The following SPATA16 variants were observed in gnomAD, a reference collection of about 807,000 sequenced individuals.
The protein encoded by SPATA16 is spermatogenesis-associated protein 16.
A neutral mutation model predicts 63.3 loss-of-function variants in SPATA16; 36 were observed. That is an observed-to-expected ratio of 0.57 (90% CI 0.44 to 0.75). The LOEUF is 0.75. SPATA16 is among the 30% of genes least tolerant of loss of function. SPATA16 has a pLI of 0.00. For missense variants in SPATA16, 646 were observed against 679.3 expected, an observed-to-expected ratio of 0.95 and a Z score of 0.54; for synonymous variants, 203 against 216.7, an observed-to-expected ratio of 0.94 and a Z score of 0.56.
intron 9 of SPATA16, among the ~76,000 whole-genome samples, chr3:172,914,162 C>T (rs978508322): frequency 1.6e-4 from 24 of 152,248 alleles, no homozygotes; most frequent in African/African-American, 5.8e-4. Context: ...GACAATACTA[C>T]AATTATGCTG....
chr3:172,970,663 C>G (rs1368224302), intron 5 of SPATA16, among the ~76,000 whole-genome samples: 3 of 152,156 alleles, frequency 2.0e-5, no homozygotes, highest in Admixed American at 1.3e-4. Context: ...AACTCTCTGC[C>G]TGACAGGGCC....
chr3:173,101,573 A>G (rs1474181629), intron 2 of SPATA16, among the ~76,000 whole-genome samples: 1 of 152,094 alleles, frequency 6.6e-6, no homozygotes, highest in Non-Finnish European at 1.5e-5. Context: ...CTCATTTACT[A>G]AGACTTGACA....
intron 2 of SPATA16, among the ~76,000 whole-genome samples, chr3:173,051,277 A>G (rs963257273): frequency 2.0e-5 from 3 of 152,078 alleles, no homozygotes. Context: ...ATCTCTCCTC[A>G]CAGCAACCTC....
rs577438000 is a variant in SPATA16, at chr3:173,088,002, C to A, written c.612+29118G>T. On this transcript the variant is annotated intron_variant, in intron 2 of 10. Coordinates refer to ENST00000351008, the MANE Select transcript of SPATA16 (RefSeq NM_031955.6). ...TGGAGAATCTGATGATTAGCATTTT[C>A]TTTCCGTCTTTCTTTCTTTCTTTCT... is the stretch of plus-strand genomic sequence containing the variant. Among the ~76,000 whole-genome samples, 7 of 139,594 alleles carry A rather than the reference C, an allele frequency of 5.0e-5. No homozygotes were observed. The South Asian group carries it at 1.6e-3, about 31-fold the overall frequency. 91.6% of individuals were successfully genotyped at this position (139,594 alleles called of 152,430 possible).
intron 4 of SPATA16, among the ~76,000 whole-genome samples, chr3:173,010,550 C>G (rs1735047485): frequency 6.6e-6 from 1 of 152,046 alleles, no homozygotes; most frequent in Admixed American, 6.5e-5. Context: ...GTCCTTACCC[C>G]TGCTGCCCCC....
chr3:172,991,846 T>C (rs1308547102), intron 4 of SPATA16, among the ~76,000 whole-genome samples: 1 of 152,196 alleles, frequency 6.6e-6, no homozygotes, highest in Non-Finnish European at 1.5e-5. Context: ...GGCAAAGTTA[T>C]GGAGTTGGGA....
At chr3:172,916,950 C>T (rs753977471) in intron 8 of SPATA16, among the ~76,000 whole-genome samples, 4 of 152,234 alleles carry the variant, frequency 2.6e-5, no homozygotes, top group Non-Finnish European at 5.9e-5. Flanking sequence ...ATTCTGTTTA[C>T]CCCAATAGCT....
At chr3:173,134,367 T>C (rs956702374) in intron 1 of SPATA16, among the ~76,000 whole-genome samples, 1 of 151,964 alleles carries the variant, frequency 6.6e-6, no homozygotes, top group African/African-American at 2.4e-5. Context: ...TAAATTCTTG[T>C]AATCCCAGCT....
chr3:172,912,097 G>T (rs999318700), intron 10 of SPATA16, among the ~76,000 whole-genome samples: 2 of 152,116 alleles, frequency 1.3e-5, no homozygotes, highest in African/African-American at 4.8e-5. Context: ...TTTTGAATGT[G>T]CCATGCTTTT....
intron 4 of SPATA16, among the ~76,000 whole-genome samples, chr3:172,978,950 GA>G (rs1389534179): frequency 3.3e-5 from 5 of 152,284 alleles, no homozygotes; most frequent in African/African-American, 1.2e-4. Flanking sequence ...TCAATAGTCT[GA>G]TGCTGGCCGG....
chr3:173,088,738 C>T (rs543689660), intron 2 of SPATA16, among the ~76,000 whole-genome samples: 43 of 152,286 alleles, frequency 2.8e-4, no homozygotes, highest in African/African-American at 9.6e-4. Flanking sequence ...GATTATATTT[C>T]ATGGATGTCC....
chr3:173,108,869 G>A (rs73030972), intron 2 of SPATA16, among the ~76,000 whole-genome samples: 5,775 of 152,224 alleles, frequency 0.038, 350 homozygotes, highest in African/African-American at 0.13. Flanking sequence ...AGGCTCTACC[G>A]TATAGCCTAG....
At chr3:173,107,453 CTA>C (rs1737646935) in intron 2 of SPATA16, among the ~76,000 whole-genome samples, 3 of 133,006 alleles carry the variant, frequency 2.3e-5, no homozygotes, top group Admixed American at 7.4e-5. Context: ...CTCTCTCTCT[CTA>C]TTTTTTTTTT....
At chr3:173,044,758 A>G (rs1419602177) in intron 3 of SPATA16, among the ~76,000 whole-genome samples, 1 of 152,110 alleles carries the variant, frequency 6.6e-6, no homozygotes, top group Non-Finnish European at 1.5e-5. Flanking sequence ...ATATGTTAAG[A>G]TGTTGAGGTT....
intron 6 of SPATA16, among the ~76,000 whole-genome samples, chr3:172,955,513 A>G (rs1358891029): frequency 6.6e-6 from 1 of 152,130 alleles, no homozygotes; most frequent in Non-Finnish European, 1.5e-5. Flanking sequence ...ATCAGCACAT[A>G]TGGTTATTAT....
At chr3:173,027,974 TCTCCCTCCCTCCCTCC>T (rs1185002655) in intron 3 of SPATA16, among the ~76,000 whole-genome samples, 41 of 23,418 alleles carry the variant, frequency 1.8e-3, no homozygotes, top group South Asian at 6.6e-3. Flanking sequence ...ATTTATTTTT[TCTCCCTCCCTCCCTCC>T]CTCCCTCCCT....
At chr3:173,065,480 CCAA>C (rs1221269779) in intron 2 of SPATA16, among the ~76,000 whole-genome samples, 1 of 152,064 alleles carries the variant, frequency 6.6e-6, no homozygotes, top group African/African-American at 2.4e-5. Flanking sequence ...CAATTGTTCC[CCAA>C]CAACAACACC....
chr3:172,996,021 C>T (rs867941175), intron 4 of SPATA16, among the ~76,000 whole-genome samples: 2 of 152,132 alleles, frequency 1.3e-5, no homozygotes, highest in African/African-American at 4.8e-5. Context: ...TTAGTCTCTC[C>T]AATCTTTGAC....
intron 10 of SPATA16, among the ~76,000 whole-genome samples, chr3:172,912,593 A>C (rs922022457): frequency 6.6e-6 from 1 of 152,146 alleles, no homozygotes; most frequent in Non-Finnish European, 1.5e-5. Flanking sequence ...CATGAAGACA[A>C]CAAGGGTGAA....
Sources: allele counts gnomAD v4.1 joint callset (sites outside exome capture counted in the v4.1 genomes callset), GRCh38; gene constraint gnomAD v4.1.1; transcripts MANE v1.5; gene names NCBI Gene and HGNC (gene_info 2026-07-23, HGNC 2026-07-21).